PVT1: variants seen among roughly 807,000 people sequenced by gnomAD.
PVT1 encodes the protein CXCR4/PVT1 fusion.
intron 4 of PVT1, among the ~76,000 whole-genome samples, chr8:128,007,486 G>C (rs956392194): frequency 2.0e-5 from 3 of 151,886 alleles, no homozygotes; most frequent in African/African-American, 7.3e-5. Flanking sequence ...AATATGGGAT[G>C]GTGTCCACAA....
chr8:127,899,672 A>G (rs1586427815), intron 3 of PVT1, among the ~76,000 whole-genome samples: 2 of 152,240 alleles, frequency 1.3e-5, no homozygotes, highest in Admixed American at 6.5e-5. Flanking sequence ...GGGAGCCTGG[A>G]GCTGGTGGAA....
chr8:127,818,502 G>A (rs926140126), intron 2 of PVT1, among the ~76,000 whole-genome samples: 4 of 152,148 alleles, frequency 2.6e-5, no homozygotes, highest in Non-Finnish European at 5.9e-5. Context: ...CATGTATTAC[G>A]TCAGGCTCAG....
chr8:127,909,927 G>A (rs1815871314), intron 3 of PVT1, among the ~76,000 whole-genome samples: 1 of 151,980 alleles, frequency 6.6e-6, no homozygotes, highest in African/African-American at 2.4e-5. Flanking sequence ...TTCTTGGTGG[G>A]GTGTTCATCA....
intron 2 of PVT1, among the ~76,000 whole-genome samples, chr8:127,889,578 G>T (rs1290159126): frequency 1.3e-5 from 2 of 151,958 alleles, no homozygotes; most frequent in Non-Finnish European, 2.9e-5. Context: ...AGGATGAAAT[G>T]AGGGTTTCAT....
At position 127,833,579 on chromosome 8, in the gene PVT1, G is replaced by A. The variant is rs562204043; in HGVS notation, n.372+37508G>A. Among the ~76,000 whole-genome samples the A allele has an allele frequency of 7.2e-5, 11 of 152,000 alleles. No individual in the cohort carries two copies. The South Asian group carries it at 1.7e-3, about 23-fold the overall frequency. ...AGTAATCCTCCCACCTCAGCCACCCGAGTAGTTGGGACTACAGGTGCATGC... is the reference window on the plus strand; with the variant it reads ...AGTAATCCTCCCACCTCAGCCACCCAAGTAGTTGGGACTACAGGTGCATGC... On this transcript the variant is annotated intron_variant and non_coding_transcript_variant, in intron 2 of 10. Coordinates refer to ENST00000651587, the Ensembl canonical transcript of PVT1.
intron 4 of PVT1, among the ~76,000 whole-genome samples, chr8:128,026,144 T>C (rs1817490768): frequency 1.3e-5 from 2 of 152,122 alleles, no homozygotes; most frequent in Admixed American, 6.5e-5. Flanking sequence ...GGTTTCACCA[T>C]GTTGGCCAGG....
intron 2 of PVT1, among the ~76,000 whole-genome samples, chr8:127,872,315 AG>A: frequency 6.6e-6 from 1 of 152,214 alleles, no homozygotes; most frequent in South Asian, 2.1e-4. Flanking sequence ...CTGGAGGCTG[AG>A]GTGGGAGAAT....
chr8:127,835,633 CA>C (rs1445028667), intron 2 of PVT1, among the ~76,000 whole-genome samples: 1 of 152,072 alleles, frequency 6.6e-6, no homozygotes, highest in Non-Finnish European at 1.5e-5. Context: ...AAAAAACCTC[CA>C]CAAAAACCCT....
At chr8:127,881,909 T>C (rs1423804262) in intron 2 of PVT1, among the ~76,000 whole-genome samples, 1 of 152,150 alleles carries the variant, frequency 6.6e-6, no homozygotes, top group African/African-American at 2.4e-5. Context: ...CCAGCTAATT[T>C]TTGTATTTTT....
chr8:127,963,216 G>T lies in PVT1; in HGVS notation n.783-25946G>T, dbSNP rs1287654891. Among the ~76,000 whole-genome samples, 3 of 152,204 alleles carry T rather than the reference G, an allele frequency of 2.0e-5. No homozygotes were observed. The East Asian group carries it at 5.8e-4, about 29-fold the overall frequency. ...CCTGCCCAGGCTGACTTCACACCATGCTCTGTTATCCCAGGTCCTAGGCTC... is the reference window on the plus strand; with the variant it reads ...CCTGCCCAGGCTGACTTCACACCATTCTCTGTTATCCCAGGTCCTAGGCTC... On this transcript the variant is annotated intron_variant and non_coding_transcript_variant, in intron 3 of 10. Coordinates refer to ENST00000651587, the Ensembl canonical transcript of PVT1.
chr8:127,923,552 C>G (rs1455355047), intron 3 of PVT1, among the ~76,000 whole-genome samples: 1 of 152,168 alleles, frequency 6.6e-6, no homozygotes, highest in Non-Finnish European at 1.5e-5. Flanking sequence ...TGAGCAGGAT[C>G]TTCTATTGGC....
rs114847290 is a variant in PVT1, at chr8:127,801,827, A to G, written n.372+5756A>G. 3.4e-3 allele frequency among the ~76,000 whole-genome samples: 524 copies of G among 152,272 alleles called. 5 individuals are homozygous for G. The highest frequency in any genetic ancestry group is 0.012 in the African/African-American group (492 of 41,562). On this transcript the variant is annotated intron_variant and non_coding_transcript_variant, in intron 2 of 10. Transcript: ENST00000651587. ...ATTGAGCACTTGAAAGGAAATTGAT[A>G]TGTACTGTGTGTTAAACACACATTG...
intron 2 of PVT1, among the ~76,000 whole-genome samples, chr8:127,854,037 AG>A (rs1400320809): frequency 1.3e-5 from 2 of 152,076 alleles, no homozygotes; most frequent in Non-Finnish European, 2.9e-5. Flanking sequence ...CCTGGCAAGG[AG>A]GCCTGCTGGT....
chr8:127,882,954 A>G (rs1401334788), intron 2 of PVT1, among the ~76,000 whole-genome samples: 1 of 152,088 alleles, frequency 6.6e-6, no homozygotes, highest in African/African-American at 2.4e-5. Flanking sequence ...AATTAACAAC[A>G]TGACTGGTCC....
chr8:127,835,173 A>G lies in PVT1; in HGVS notation n.372+39102A>G, dbSNP rs574904690. On this transcript the variant is annotated intron_variant and non_coding_transcript_variant, in intron 2 of 10. Transcript: ENST00000651587. ...TATGTTTATAGCAGCACTTTTTACA[A>G]TAGCAAAGACCTGGAACCAACCCAA... 3.9e-5 allele frequency among the ~76,000 whole-genome samples: 6 copies of G among 152,298 alleles called. No homozygotes were observed. The South Asian group carries it at 1.2e-3, about 32-fold the overall frequency.
At chr8:127,814,559 A>ATT (rs1814637842) in intron 2 of PVT1, among the ~76,000 whole-genome samples, 1 of 152,222 alleles carries the variant, frequency 6.6e-6, no homozygotes, top group East Asian at 1.9e-4. Context: ...TCTCCCTAGC[A>ATT]AACCCTTTGA....
Position 127,864,769 on chromosome 8 carries a change from C to T in PVT1, n.373-25820C>T, listed in dbSNP as rs530727740. Among the ~76,000 whole-genome samples, 57 of 152,206 alleles carry T rather than the reference C, an allele frequency of 3.7e-4. No individual in the cohort carries two copies. The South Asian group carries it at 7.1e-3, about 19-fold the overall frequency. ...TTCACCATGTTAGCCAGGATGGTCT[C>T]GATCTCCTGACCTCGTGATCCGCCC... On this transcript the variant is annotated intron_variant and non_coding_transcript_variant, in intron 2 of 10. Transcript: ENST00000651587.
intron 2 of PVT1, among the ~76,000 whole-genome samples, chr8:127,818,434 AGCAG>A (rs1414147132): frequency 6.6e-6 from 1 of 152,076 alleles, no homozygotes; most frequent in Admixed American, 6.6e-5. Flanking sequence ...AAGAAGGGAG[AGCAG>A]GCAGGTCTCT....
At chr8:127,980,113 A>G (rs762378748) in intron 3 of PVT1, among the ~76,000 whole-genome samples, 24 of 152,024 alleles carry the variant, frequency 1.6e-4, no homozygotes, top group Non-Finnish European at 2.6e-4. Context: ...AGCTCCTGGC[A>G]TTAAGCGATC....
Sources: allele counts gnomAD v4.1 joint callset (sites outside exome capture counted in the v4.1 genomes callset), GRCh38; gene constraint gnomAD v4.1.1; transcripts MANE v1.5; gene names NCBI Gene and HGNC (gene_info 2026-07-23, HGNC 2026-07-21).